The following PCDHGA3 variants were observed in gnomAD, a reference collection of about 807,000 sequenced individuals.
PCDHGA3 encodes the protein protocadherin gamma subfamily A, 3.
Under a neutral mutation model 58.5 loss-of-function variants are expected in PCDHGA3, and 40 were observed. The ratio of observed to expected loss-of-function variants is 0.68; its 90% confidence interval spans 0.53 to 0.89. PCDHGA3 has a LOEUF of 0.89. Among genes scored for constraint, PCDHGA3 ranks in the 40% least tolerant of loss-of-function variants. The pLI is 0.00. For missense variants in PCDHGA3, 1,223 were observed against 1,195.9 expected, an observed-to-expected ratio of 1.02 and a Z score of -0.33; for synonymous variants, 530 against 525.7, an observed-to-expected ratio of 1.01 and a Z score of -0.11.
chr5:141,499,751 A>G (rs1355923543), intron 2 of PCDHGA3, among the ~76,000 whole-genome samples: 2 of 149,258 alleles, frequency 1.3e-5, no homozygotes, highest in Non-Finnish European at 3.0e-5. Flanking sequence ...CTGTGGCACA[A>G]TCTCAGCTCA....
At chr5:141,400,007 C>T (rs907315450) in intron 1 of PCDHGA3, 30 of 1,612,624 alleles carry the variant, frequency 1.9e-5, no homozygotes, top group Non-Finnish European at 2.5e-5. Flanking sequence ...ACAGCGCGTG[C>T]CTTGGGCGAC....
At chr5:141,454,471 A>C (rs774315258) in intron 1 of PCDHGA3, among the ~76,000 whole-genome samples, 7 of 152,198 alleles carry the variant, frequency 4.6e-5, no homozygotes, top group Non-Finnish European at 7.3e-5. Context: ...CAATGGCATG[A>C]TCTCAGCTCA....
Position 141,489,517 on chromosome 5 carries a change from G to C in PCDHGA3, c.2425-5290G>C. The C allele has an allele frequency of 6.2e-7, 1 of 1,614,136 alleles. No individual in the cohort carries two copies. Among genetic ancestry groups the C allele is most frequent in the Non-Finnish European group, 8.5e-7 (1 of 1,180,044 alleles). On this transcript the variant is annotated intron_variant, in intron 1 of 3. Transcript: ENST00000253812. The surrounding 1 kb of genome is among the most constrained non-coding windows in gnomAD (Gnocchi z 4.5). ...GGCAGTGAATCAAAAGATTGACCGA[G>C]AAAGCCTATGTGGAGCCAGCACCAG...
At chr5:141,346,892 C>A (rs1049996512) in intron 1 of PCDHGA3, among the ~76,000 whole-genome samples, 1 of 152,168 alleles carries the variant, frequency 6.6e-6, no homozygotes, top group Non-Finnish European at 1.5e-5. Context: ...TATAGCTTAT[C>A]CTGATACATA....
At chr5:141,361,473 C>A (rs374176708) in intron 1 of PCDHGA3, 3 of 1,613,906 alleles carry the variant, frequency 1.9e-6, no homozygotes, top group Middle Eastern at 1.6e-4. Flanking sequence ...CCGACGTCAA[C>A]GATAATGCCC....
chr5:141,352,461 G>C (rs370251444), intron 1 of PCDHGA3: 3 of 1,613,888 alleles, frequency 1.9e-6, no homozygotes, highest in East Asian at 2.2e-5. Flanking sequence ...TCTGGGCCCG[G>C]GGTTCCTCCC....
intron 1 of PCDHGA3, chr5:141,427,830 C>G (rs749612858): frequency 7.8e-6 from 12 of 1,538,206 alleles, no homozygotes; most frequent in Non-Finnish European, 1.1e-5. Context: ...GGTCGCGCAG[C>G]GTGCCTTCGA....
intron 1 of PCDHGA3, chr5:141,379,639 A>G (rs1775719450): frequency 6.6e-6 from 1 of 152,198 alleles, no homozygotes; most frequent in African/African-American, 2.4e-5. Context: ...CTCTGATGGA[A>G]AAACTACCAA....
At chr5:141,421,474 G>T (rs1320526226) in intron 1 of PCDHGA3, 3 of 1,614,014 alleles carry the variant, frequency 1.9e-6, no homozygotes, top group African/African-American at 2.7e-5. Flanking sequence ...TCCGCGAAGC[G>T]GCAGCTTGAT....
Position 141,487,106 on chromosome 5 carries a change from A to G in PCDHGA3, c.2425-7701A>G, listed in dbSNP as rs777727830. ...TGACCTCCCACCACAGAAGCTGGTC[A>G]TTGTGGTAAAGGATAGTGGTAGTCC... On this transcript the variant is annotated intron_variant, in intron 1 of 3. Transcript: ENST00000253812. The surrounding 1 kb of genome is among the most constrained non-coding windows in gnomAD (Gnocchi z 5.0). 1 of 1,613,902 alleles carries G rather than the reference A, an allele frequency of 6.2e-7. No individual in the cohort carries two copies. The highest frequency in any genetic ancestry group is 1.3e-5 in the African/African-American group (1 of 75,028).
At chr5:141,438,605 T>TAC (rs2098010130) in intron 1 of PCDHGA3, among the ~76,000 whole-genome samples, 1 of 27,802 alleles carries the variant, frequency 3.6e-5, no homozygotes. Flanking sequence ...TATATATATA[T>TAC]ATATATATAT....
intron 1 of PCDHGA3, among the ~76,000 whole-genome samples, chr5:141,455,082 G>A (rs1323760148): frequency 1.3e-5 from 2 of 151,932 alleles, no homozygotes; most frequent in African/African-American, 2.4e-5. Context: ...AAAGTGCTGG[G>A]ATTACAGGCT....
chr5:141,392,305 GT>G (rs148037308), intron 1 of PCDHGA3: 5,240 of 152,054 alleles, frequency 0.034, 107 homozygotes, highest in Middle Eastern at 0.088. Flanking sequence ...AAAGTATCAT[GT>G]TTTTTTTAAG....
chr5:141,459,084 A>T (rs2098960410), intron 1 of PCDHGA3, among the ~76,000 whole-genome samples: 2 of 152,204 alleles, frequency 1.3e-5, no homozygotes, highest in Non-Finnish European at 2.9e-5. Flanking sequence ...TGCCTTTTAA[A>T]ATTATACAGT....
chr5:141,452,525 G>A (rs1227647193), intron 1 of PCDHGA3, among the ~76,000 whole-genome samples: 3 of 152,126 alleles, frequency 2.0e-5, no homozygotes, highest in Admixed American at 6.5e-5. Flanking sequence ...CCTCAAAATC[G>A]TGAGTTCATA....
chr5:141,484,552 G>T (rs2099597743), intron 1 of PCDHGA3, among the ~76,000 whole-genome samples: 1 of 152,138 alleles, frequency 6.6e-6, no homozygotes, highest in African/African-American at 2.4e-5. Context: ...CTAATTAGCA[G>T]TTGCTCCAAT....
intron 1 of PCDHGA3, chr5:141,365,934 G>A (rs1488431310): frequency 6.2e-7 from 1 of 1,614,116 alleles, no homozygotes; most frequent in Non-Finnish European, 8.5e-7. Context: ...GTGACAGCCA[G>A]CGACAGTGGG....
chr5:141,363,215 A>G (rs1203436108), intron 1 of PCDHGA3, among the ~76,000 whole-genome samples: 1 of 152,272 alleles, frequency 6.6e-6, no homozygotes, highest in Non-Finnish European at 1.5e-5. Context: ...ATTGAGAAAA[A>G]TCTTACAACC....
chr5:141,501,328 CACA>C (rs2099808027), intron 2 of PCDHGA3, among the ~76,000 whole-genome samples: 1 of 151,710 alleles, frequency 6.6e-6, no homozygotes, highest in Non-Finnish European at 1.5e-5. Context: ...CACACACACA[CACA>C]CACCCCAAAC....
Sources: allele counts gnomAD v4.1 joint callset (sites outside exome capture counted in the v4.1 genomes callset), GRCh38; gene constraint gnomAD v4.1.1; non-coding constraint Gnocchi (gnomAD v3.1); transcripts MANE v1.5; gene names NCBI Gene and HGNC (gene_info 2026-07-23, HGNC 2026-07-21).